Variants in DDX60L observed in about 807,000 individuals in gnomAD.
DDX60L encodes DExD/H-box 60 like, also known as probable ATP-dependent RNA helicase DDX60-like.
In DDX60L, 191 loss-of-function variants were observed where a neutral mutation model predicts 211.6. The observed-to-expected ratio is 0.90, with a 90% confidence interval of 0.80 to 1.02. The LOEUF (loss-of-function observed/expected upper bound fraction) is 1.02. Among genes scored for constraint, DDX60L ranks in the 50% least tolerant of loss-of-function variants. The pLI, the probability that DDX60L is intolerant of heterozygous loss-of-function variation, is 0.00. For synonymous variants in DDX60L, 706 were observed against 694.1 expected (o/e 1.02, Z -0.27); for missense variants, 2,007 against 1,984.1 (o/e 1.01, Z -0.22).
intron 9 of DDX60L, among the ~76,000 whole-genome samples, chr4:168,446,369 G>T (rs932909191): frequency 6.6e-6 from 1 of 152,048 alleles, no homozygotes; most frequent in African/African-American, 2.4e-5. Context: ...CACTGCTCAA[G>T]GAAATCAAAG....
At chr4:168,412,962 C>A (rs28875853) in intron 22 of DDX60L, among the ~76,000 whole-genome samples, 1,671 of 152,352 alleles carry the variant, frequency 0.011, 34 homozygotes, top group African/African-American at 0.036. Context: ...CACAGCCTCA[C>A]TGAGCTTGGG....
Position 168,423,672 on chromosome 4 carries a change from T to C in DDX60L, c.2033A>G (p.Tyr678Cys). ...PEILEAEHHQ[Y>C]IAKCLKYLGF... Reference sequence around the variant, plus strand: ...TAAATATTTAAGGCATTTAGCTATATATTGATGATGTTCTGCTTCCAAAAT... The same window carrying C: ...TAAATATTTAAGGCATTTAGCTATACATTGATGATGTTCTGCTTCCAAAAT... Residue 678 changes from tyrosine to cysteine, a missense_variant, in exon 15 of 38, where the codon TAT becomes TGT. By Grantham distance (194) the Tyr-to-Cys change is radical. Coordinates refer to ENST00000682922, the MANE Select transcript of DDX60L (RefSeq NM_001012967.3). The C allele has an allele frequency of 1.9e-6, 3 of 1,604,758 alleles. No homozygotes were observed. The highest frequency in any genetic ancestry group is 2.6e-6 in the Non-Finnish European group (3 of 1,175,482).
In DDX60L at chr4:168,391,581, C is replaced by T; in HGVS notation, c.3874G>A (p.Ala1292Thr). The change falls in exon 29 of 38, where the codon GCC becomes ACC. Residue 1292 changes from alanine to threonine, a missense_variant. Coordinates refer to ENST00000682922, the MANE Select transcript of DDX60L (RefSeq NM_001012967.3). ...IHMPCKSVVF[A>T]QDSVYLDALN... ...GCATCCAGATAGACTGAGTCTTGGG[C>T]AAAAACAACAGATTTGCATGGCATG... The T allele has an allele frequency of 6.3e-7, 1 of 1,588,844 alleles. No homozygotes were observed. Among genetic ancestry groups the T allele is most frequent in the Non-Finnish European group, 8.6e-7 (1 of 1,166,946 alleles).
At position 168,477,339 on chromosome 4, in the gene DDX60L, T is replaced by C. The variant is rs957106272; in HGVS notation, c.-111+3038A>G. On this transcript the variant is annotated intron_variant, in intron 1 of 37. Coordinates refer to ENST00000682922, the MANE Select transcript of DDX60L (RefSeq NM_001012967.3). The stretch of plus-strand genomic sequence containing the variant: ...CTGAGGCAGGAGAATGGCATAAACC[T>C]GGGAGGCGGAGCTTGCAGTGAGCCG... Among the ~76,000 whole-genome samples, 43 of 151,126 alleles carry C rather than the reference T, an allele frequency of 2.8e-4. 1 individual carries two copies. Among genetic ancestry groups the C allele is most frequent in the African/African-American group, 9.3e-4 (38 of 41,026 alleles).
intron 22 of DDX60L, among the ~76,000 whole-genome samples, chr4:168,414,699 G>A (rs2874095): frequency 0.99 from 151,119 of 152,200 alleles, 75,031 homozygotes; most frequent in Middle Eastern, 1. Flanking sequence ...AGATCCTATC[G>A]TTTGCAACAA....
At position 168,415,933 on chromosome 4, in the gene DDX60L, T is replaced by C. The variant is rs570986688; in HGVS notation, c.2727-134A>G. The C allele has an allele frequency of 2.0e-4, 152 of 778,754 alleles. 1 individual carries two copies. The South Asian group carries it at 3.9e-3, about 20-fold the overall frequency. 48.2% of individuals were successfully genotyped at this position (778,754 alleles called of 1,614,324 possible). A position where few individuals can be genotyped will look rare whatever the true frequency, so the allele number is the denominator to read the frequency against. ...CCCTCTCAATTTAAACCACCTGAGTTGACTTCAGAGCTGTGGACTTTGGGC... is the reference window on the plus strand; with the variant it reads ...CCCTCTCAATTTAAACCACCTGAGTCGACTTCAGAGCTGTGGACTTTGGGC... On this transcript the variant is annotated intron_variant, in intron 20 of 37. Transcript: ENST00000682922.
intron 29 of DDX60L, among the ~76,000 whole-genome samples, chr4:168,389,550 A>G (rs1485373809): frequency 6.6e-6 from 1 of 152,232 alleles, no homozygotes; most frequent in Non-Finnish European, 1.5e-5. Flanking sequence ...CACATATTCA[A>G]ATAGATCTAG....
At chr4:168,425,364 G>A in intron 14 of DDX60L, among the ~76,000 whole-genome samples, 1 of 152,228 alleles carries the variant, frequency 6.6e-6, no homozygotes, top group East Asian at 1.9e-4. Context: ...CGTGACTACA[G>A]AGTCACGTGG....
Position 168,435,802 on chromosome 4 carries a change from G to A in DDX60L, c.1295-2687C>T, listed in dbSNP as rs946887508. 3.3e-5 allele frequency among the ~76,000 whole-genome samples: 5 copies of A among 151,922 alleles called. 1 individual carries two copies. Among genetic ancestry groups the A allele is most frequent in the South Asian group, 4.2e-4 (2 of 4,816 alleles). On this transcript the variant is annotated intron_variant, in intron 10 of 37. Transcript: ENST00000682922. Reference sequence around the variant, plus strand: ...TGGTCCATCACATTGTTCATATTACGCTGCTCGGATCTAGTGAATAAGAAG... The same window carrying A: ...TGGTCCATCACATTGTTCATATTACACTGCTCGGATCTAGTGAATAAGAAG...
rs1399649728 is a variant in DDX60L at position 168,419,301 on chromosome 4, C to A, written c.2610+1G>T. ...AACCAGAGAACTAACACCAAACCTA[C>A]CTCATCAAATATAACATATCTGATC... On this transcript the variant is annotated splice_donor_variant, in intron 19 of 37. Coordinates refer to ENST00000682922, the MANE Select transcript of DDX60L (RefSeq NM_001012967.3). LOFTEE classifies it high-confidence loss of function. 27 of 1,584,712 alleles carry A rather than the reference C, an allele frequency of 1.7e-5. No individual in the cohort carries two copies. Among genetic ancestry groups the A allele is most frequent in the Non-Finnish European group, 2.1e-5 (24 of 1,162,830 alleles).
At chr4:168,464,849 A>G (rs999446105) in intron 4 of DDX60L, among the ~76,000 whole-genome samples, 3 of 152,122 alleles carry the variant, frequency 2.0e-5, no homozygotes, top group African/African-American at 7.2e-5. Context: ...ATAGCCAAAT[A>G]GTATTATATA....
chr4:168,436,749 C>A (rs2465251), intron 10 of DDX60L, among the ~76,000 whole-genome samples: 125,886 of 152,112 alleles, frequency 0.83, 52,158 homozygotes, highest in East Asian at 0.91. Flanking sequence ...TGTTCTGGCA[C>A]CCCTATGTTC....
chr4:168,422,650 CTTATTT>C lies in DDX60L; in HGVS notation c.2112_2117del (p.Asn705_Lys706del). 6.2e-7 allele frequency: 1 copy of C among 1,603,630 alleles called. No homozygotes were observed. Among genetic ancestry groups the C allele is most frequent in the Non-Finnish European group, 8.5e-7 (1 of 1,174,160 alleles). ...GTCCAATGTCAATCGAATATTTCTT[CTTATTT>C]TTGTCATCTCCTATCTGTTATTTTA... is the stretch of plus-strand genomic sequence containing the variant. On this transcript the variant is annotated inframe_deletion, in exon 16 of 38. Coordinates refer to ENST00000682922, the MANE Select transcript of DDX60L (RefSeq NM_001012967.3).
At chr4:168,442,769 T>A (rs1206676435) in intron 9 of DDX60L, among the ~76,000 whole-genome samples, 1 of 151,244 alleles carries the variant, frequency 6.6e-6, no homozygotes, top group East Asian at 2.0e-4. Context: ...AGGGGCACAC[T>A]GACACCTCAC....
rs1400012189 is a variant in DDX60L at position 168,420,312 on chromosome 4, A to G, written c.2463T>C (p.Thr821=). Residue 821 remains threonine, a synonymous_variant, in exon 18 of 38, where the codon ACT becomes ACC. Transcript: ENST00000682922. ...AATCTCTTGTAAAAGCACCGCATAG[A>G]GTTCTGCCGGCAGGCAACGTTTTAG... ...RFTKTLPAGR[T]LCGAFTRDYC... 2.5e-6 allele frequency: 4 copies of G among 1,611,910 alleles called. No homozygotes were observed. In the East Asian group the frequency reaches 8.9e-5, roughly 36 times the overall value.
At chr4:168,405,639 T>A (rs1173479482) in intron 24 of DDX60L, among the ~76,000 whole-genome samples, 1 of 152,192 alleles carries the variant, frequency 6.6e-6, no homozygotes, top group Admixed American at 6.5e-5. Flanking sequence ...CAGTCCCTCT[T>A]CTGTGAAAGC....
At chr4:168,445,714 G>C (rs1448571398) in intron 9 of DDX60L, among the ~76,000 whole-genome samples, 1 of 150,740 alleles carries the variant, frequency 6.6e-6, no homozygotes, top group African/African-American at 2.4e-5. Flanking sequence ...GGGATGCAAG[G>C]CTGGTTCAAT....
chr4:168,420,769 C>T (rs1483329291), intron 17 of DDX60L, among the ~76,000 whole-genome samples: 1 of 152,058 alleles, frequency 6.6e-6, no homozygotes, highest in Non-Finnish European at 1.5e-5. Context: ...ATATCTGGTT[C>T]ATGATTCCAG....
intron 29 of DDX60L, among the ~76,000 whole-genome samples, chr4:168,385,681 C>T (rs1743740310): frequency 6.6e-6 from 1 of 152,130 alleles, no homozygotes; most frequent in African/African-American, 2.4e-5. Context: ...TGACTGCTCA[C>T]TCGGTGGTGA....
Sources: gnomAD v4.1 joint callset for allele counts (sites outside exome capture counted in the v4.1 genomes callset) on GRCh38, gnomAD v4.1.1 for gene constraint, MANE v1.5 for transcripts, NCBI Gene and HGNC (gene_info 2026-07-23, HGNC 2026-07-21) for gene names.